NKAIN2: variants seen among roughly 807,000 people sequenced by gnomAD.
NKAIN2 encodes sodium/potassium-transporting ATPase subunit beta-1-interacting protein 2.
In NKAIN2, 14 loss-of-function variants were observed where a neutral mutation model predicts 32.6. The observed-to-expected ratio is 0.43, with a 90% CI of 0.28 to 0.67. The LOEUF is 0.67. NKAIN2 is among the 30% of genes least tolerant of loss of function. The pLI is 0.17. For missense variants in NKAIN2, 198 were observed against 258.3 expected (o/e 0.77, Z 1.60); for synonymous variants, 80 against 87.2 (o/e 0.92, Z 0.46).
intron 1 of NKAIN2, among the ~76,000 whole-genome samples, chr6:123,900,061 T>C (rs1774484263): frequency 6.6e-6 from 1 of 152,292 alleles, no homozygotes; most frequent in Admixed American, 6.5e-5. Context: ...CTAGGTGTCA[T>C]GTATAGGAAA....
chr6:124,795,609 G>C (rs1352602496), intron 5 of NKAIN2, among the ~76,000 whole-genome samples: 1 of 152,122 alleles, frequency 6.6e-6, no homozygotes, highest in Admixed American at 6.6e-5. Context: ...TTATAAGTAA[G>C]GTGGCTTATA....
intron 1 of NKAIN2, among the ~76,000 whole-genome samples, chr6:123,984,687 A>G (rs899495425): frequency 2.0e-5 from 3 of 152,182 alleles, no homozygotes; most frequent in Admixed American, 1.3e-4. Flanking sequence ...CCGTTTAGTT[A>G]TCTTTTATCA....
Position 124,001,800 on chromosome 6 carries a change from A to AATATATATATATAT in NKAIN2, c.54+197565_54+197578dup, listed in dbSNP as rs10567719. ...AGAAAAAGAAGTTCTCTTAGTTCTA[A>AATATATATATATAT]ATATATATATATATATATATATATA... On this transcript the variant is annotated intron_variant, in intron 1 of 6. Coordinates refer to ENST00000368417, the MANE Select transcript of NKAIN2 (RefSeq NM_001040214.3). 4.5e-3 allele frequency among the ~76,000 whole-genome samples: 612 copies of AATATATATATATAT among 135,014 alleles called. 6 individuals carry two copies. The highest frequency in any genetic ancestry group is 0.018 in the Middle Eastern group (4 of 224). 88.6% of individuals were successfully genotyped at this position (135,014 alleles called of 152,430 possible).
intron 1 of NKAIN2, among the ~76,000 whole-genome samples, chr6:123,973,608 A>C (rs528569176): frequency 2.0e-4 from 30 of 152,180 alleles, no homozygotes; most frequent in African/African-American, 7.0e-4. Context: ...GTTTCCTGCT[A>C]TTCAAAACTC....
In NKAIN2 at chr6:124,507,960, A is replaced by T. The variant is rs556246843; in HGVS notation, c.274-150226A>T. On this transcript the variant is annotated intron_variant, in intron 3 of 6. Coordinates refer to ENST00000368417, the MANE Select transcript of NKAIN2 (RefSeq NM_001040214.3). ...AACACATACTAACAAACAGGTAAAA[A>T]CACCCAATTAGGCCAGGCACAATAG... Among the ~76,000 whole-genome samples the T allele has an allele frequency of 1.9e-4, 29 of 152,228 alleles. No individual in the cohort carries two copies. In the South Asian group the frequency reaches 5.8e-3, roughly 30 times the overall value.
At chr6:123,847,967 A>G (rs185961905) in intron 1 of NKAIN2, among the ~76,000 whole-genome samples, 6 of 152,254 alleles carry the variant, frequency 3.9e-5, no homozygotes, top group Admixed American at 3.3e-4. Context: ...GAGCACCTTT[A>G]TATATCAAGC....
intron 3 of NKAIN2, among the ~76,000 whole-genome samples, chr6:124,535,443 A>C (rs982262945): frequency 2.0e-5 from 3 of 152,338 alleles, no homozygotes; most frequent in African/African-American, 7.2e-5. Context: ...CTGGCCTTTA[A>C]AGCATGACAA....
intron 3 of NKAIN2, among the ~76,000 whole-genome samples, chr6:124,548,371 T>A (rs1410831888): frequency 1.3e-5 from 2 of 152,230 alleles, no homozygotes; most frequent in African/African-American, 4.8e-5. Flanking sequence ...AAAGTCTTAA[T>A]TGGAATGGGC....
chr6:124,609,296 G>A (rs1782604835), intron 3 of NKAIN2, among the ~76,000 whole-genome samples: 1 of 152,144 alleles, frequency 6.6e-6, no homozygotes, highest in East Asian at 1.9e-4. Context: ...CAAAAGAAAA[G>A]GAAAGAAAGA....
At chr6:124,461,989 T>C (rs1324513216) in intron 3 of NKAIN2, among the ~76,000 whole-genome samples, 3 of 151,872 alleles carry the variant, frequency 2.0e-5, no homozygotes, top group African/African-American at 7.2e-5. Context: ...TAATTAAAAG[T>C]TGATGATATC....
At chr6:124,392,235 A>G (rs975854192) in intron 3 of NKAIN2, among the ~76,000 whole-genome samples, 3 of 152,150 alleles carry the variant, frequency 2.0e-5, no homozygotes, top group Non-Finnish European at 4.4e-5. Context: ...TTAAAATGGT[A>G]GTTCACACAA....
chr6:124,242,598 T>G (rs1793163128), intron 1 of NKAIN2, among the ~76,000 whole-genome samples: 1 of 152,090 alleles, frequency 6.6e-6, no homozygotes, highest in Non-Finnish European at 1.5e-5. Flanking sequence ...TGCACACATA[T>G]GTTTATGCAG....
chr6:124,045,151 A>G (rs921771359), intron 1 of NKAIN2, among the ~76,000 whole-genome samples: 9 of 151,926 alleles, frequency 5.9e-5, no homozygotes, highest in South Asian at 2.1e-4. Context: ...CGTCAAAACT[A>G]TCTGGCTAAA....
At chr6:124,512,831 T>C (rs1778765126) in intron 3 of NKAIN2, among the ~76,000 whole-genome samples, 1 of 152,196 alleles carries the variant, frequency 6.6e-6, no homozygotes, top group African/African-American at 2.4e-5. Context: ...GTATATTGTG[T>C]CATTGTTACT....
intron 4 of NKAIN2, among the ~76,000 whole-genome samples, chr6:124,734,626 A>T (rs994440856): frequency 6.6e-6 from 1 of 151,888 alleles, no homozygotes; most frequent in South Asian, 2.1e-4. Flanking sequence ...ACCTTAACTG[A>T]CAGACACTCC....
chr6:124,198,888 A>G (rs144199184), intron 1 of NKAIN2, among the ~76,000 whole-genome samples: 5 of 152,292 alleles, frequency 3.3e-5, no homozygotes, highest in African/African-American at 1.2e-4. Flanking sequence ...AGTGAATTCC[A>G]GAAAATTTAT....
intron 3 of NKAIN2, among the ~76,000 whole-genome samples, chr6:124,628,523 G>A (rs1783443610): frequency 6.6e-6 from 1 of 151,780 alleles, no homozygotes; most frequent in African/African-American, 2.4e-5. Context: ...GGGGATAGAT[G>A]TTTTAGTGAT....
intron 1 of NKAIN2, among the ~76,000 whole-genome samples, chr6:124,099,922 G>A (rs577573260): frequency 1.2e-4 from 18 of 152,238 alleles, no homozygotes; most frequent in African/African-American, 4.3e-4. Flanking sequence ...GTTTATTTTG[G>A]TTTGGATTTC....
chr6:124,109,562 G>A (rs766345315), intron 1 of NKAIN2, among the ~76,000 whole-genome samples: 27 of 151,922 alleles, frequency 1.8e-4, no homozygotes, highest in Non-Finnish European at 3.4e-4. Flanking sequence ...AGATGGAGTC[G>A]GAATATTTTA....
Sources: gnomAD v4.1 joint callset for allele counts (sites outside exome capture counted in the v4.1 genomes callset) on GRCh38, gnomAD v4.1.1 for gene constraint, MANE v1.5 for transcripts, NCBI Gene and HGNC (gene_info 2026-07-23, HGNC 2026-07-21) for gene names.